Variants in CDH12 observed in about 807,000 individuals in gnomAD.
CDH12 encodes the protein cadherin 12, also known as cadherin-12.
CDH12 carries 41 observed loss-of-function variants against 74.1 expected under a neutral mutation model. The observed-to-expected ratio is 0.55, with a 90% CI of 0.43 to 0.72. The LOEUF (loss-of-function observed/expected upper bound fraction) is 0.72. Ranked by LOEUF, CDH12 falls within the 30% of genes least tolerant of loss-of-function variation. CDH12 has a pLI of 0.00. For missense variants in CDH12, 945 were observed against 977.2 expected (o/e 0.97, Z 0.44); for synonymous variants, 399 against 355.0 (o/e 1.12, Z -1.39).
intron 1 of CDH12, among the ~76,000 whole-genome samples, chr5:22,602,163 C>T (rs550790286): frequency 1.6e-4 from 24 of 152,094 alleles, no homozygotes; most frequent in Non-Finnish European, 3.2e-4. Flanking sequence ...AAGAGAAAAG[C>T]TTGTGAAATT....
chr5:21,875,088 T>C (rs1469435083), intron 6 of CDH12, among the ~76,000 whole-genome samples: 1 of 152,138 alleles, frequency 6.6e-6, no homozygotes, highest in East Asian at 1.9e-4. Context: ...ACAGGTCCTG[T>C]TGAGGTTGCA....
chr5:22,841,985 T>A, intron 1 of CDH12, among the ~76,000 whole-genome samples: 1 of 152,028 alleles, frequency 6.6e-6, no homozygotes, highest in East Asian at 1.9e-4. Context: ...TAATAAAATA[T>A]GAAAATATAC....
chr5:22,299,412 T>A (rs575941979), intron 3 of CDH12, among the ~76,000 whole-genome samples: 1 of 152,202 alleles, frequency 6.6e-6, no homozygotes, highest in Non-Finnish European at 1.5e-5. Context: ...TTTGGAGTAC[T>A]CAAGCTACTT....
chr5:22,313,230 G>T (rs1738465075), intron 3 of CDH12, among the ~76,000 whole-genome samples: 1 of 152,120 alleles, frequency 6.6e-6, no homozygotes, highest in Non-Finnish European at 1.5e-5. Flanking sequence ...CTCAGAGTGG[G>T]TATTAAACTT....
At chr5:21,838,509 G>A (rs571347659) in intron 8 of CDH12, among the ~76,000 whole-genome samples, 3 of 152,208 alleles carry the variant, frequency 2.0e-5, no homozygotes, top group East Asian at 1.9e-4. Context: ...GCAGTGAGCC[G>A]AGATCATGCC....
At chr5:22,459,081 G>C (rs982207422) in intron 2 of CDH12, among the ~76,000 whole-genome samples, 1 of 152,032 alleles carries the variant, frequency 6.6e-6, no homozygotes, top group Non-Finnish European at 1.5e-5. Flanking sequence ...GTGTCCAACT[G>C]TTCCAGGTGT....
intron 5 of CDH12, among the ~76,000 whole-genome samples, chr5:22,075,979 C>T (rs943150534): frequency 6.6e-6 from 1 of 151,542 alleles, no homozygotes; most frequent in Non-Finnish European, 1.5e-5. Context: ...TAAATTGGTC[C>T]CCATGTTATC....
intron 3 of CDH12, among the ~76,000 whole-genome samples, chr5:22,220,763 A>T (rs145323136): frequency 0.013 from 1,960 of 151,924 alleles, 49 homozygotes; most frequent in African/African-American, 0.044. Flanking sequence ...TTCAAGGTGC[A>T]TACTGATTCT....
intron 4 of CDH12, among the ~76,000 whole-genome samples, chr5:22,107,277 G>A (rs1314716415): frequency 3.3e-5 from 5 of 150,446 alleles, no homozygotes; most frequent in East Asian, 2.0e-4. Context: ...GATTATAGGC[G>A]CCCACCACCA....
At chr5:22,650,327 T>A (rs1165067011) in intron 1 of CDH12, among the ~76,000 whole-genome samples, 1 of 152,054 alleles carries the variant, frequency 6.6e-6, no homozygotes, top group Non-Finnish European at 1.5e-5. Context: ...TTAGTTTTAT[T>A]TTTTGTTTAG....
chr5:22,699,077 A>G (rs1463370783), intron 1 of CDH12, among the ~76,000 whole-genome samples: 1 of 152,074 alleles, frequency 6.6e-6, no homozygotes, highest in Admixed American at 6.6e-5. Context: ...ATAAAATGCT[A>G]TAAGCACTTA....
intron 3 of CDH12, among the ~76,000 whole-genome samples, chr5:22,276,710 G>C (rs1736649764): frequency 6.6e-6 from 1 of 151,998 alleles, no homozygotes; most frequent in African/African-American, 2.4e-5. Flanking sequence ...TTTTTGAGAT[G>C]GTGTCTCATT....
intron 9 of CDH12, among the ~76,000 whole-genome samples, chr5:21,815,647 G>A (rs1398587535): frequency 6.6e-6 from 1 of 151,952 alleles, no homozygotes; most frequent in Non-Finnish European, 1.5e-5. Flanking sequence ...TCGGTTTCTT[G>A]GTAATTCTTT....
chr5:22,685,368 G>T (rs143403298), intron 1 of CDH12, among the ~76,000 whole-genome samples: 188 of 152,206 alleles, frequency 1.2e-3, no homozygotes, highest in African/African-American at 4.4e-3. Context: ...CTCCCAAGTA[G>T]CTGGGACTAC....
chr5:22,138,842 CG>C (rs1746607171), intron 4 of CDH12, among the ~76,000 whole-genome samples: 1 of 39,090 alleles, frequency 2.6e-5, no homozygotes, highest in Non-Finnish European at 5.4e-5. Flanking sequence ...TACATATATA[CG>C]TAATATATAT....
chr5:22,542,122 A>G, intron 1 of CDH12, among the ~76,000 whole-genome samples: 1 of 152,332 alleles, frequency 6.6e-6, no homozygotes. Flanking sequence ...GTCATTGTTT[A>G]TAATATTTAA....
At chr5:22,225,848 A>G (rs1023819140) in intron 3 of CDH12, among the ~76,000 whole-genome samples, 22 of 152,088 alleles carry the variant, frequency 1.4e-4, no homozygotes, top group African/African-American at 5.3e-4. Context: ...AAAATTCCCA[A>G]AGGGAAAGTG....
At chr5:21,837,352 A>C (rs1199651201) in intron 8 of CDH12, among the ~76,000 whole-genome samples, 1 of 152,110 alleles carries the variant, frequency 6.6e-6, no homozygotes, top group Non-Finnish European at 1.5e-5. Flanking sequence ...TTCCATCTCA[A>C]ATTAAGAGGT....
intron 6 of CDH12, among the ~76,000 whole-genome samples, chr5:21,905,380 G>A (rs1454785390): frequency 6.6e-6 from 1 of 152,210 alleles, no homozygotes; most frequent in Non-Finnish European, 1.5e-5. Flanking sequence ...TTGATTGGAT[G>A]CTTGCTAAGC....
Sources: gnomAD v4.1 joint callset for allele counts (sites outside exome capture counted in the v4.1 genomes callset) on GRCh38, gnomAD v4.1.1 for gene constraint, MANE v1.5 for transcripts, NCBI Gene and HGNC (gene_info 2026-07-23, HGNC 2026-07-21) for gene names.